The following PLAGL1 variants were observed in gnomAD, a reference collection of about 807,000 sequenced individuals.
PLAGL1 encodes the protein zinc finger protein PLAGL1.
Under a neutral mutation model 4.6 loss-of-function variants are expected in PLAGL1, and 1 was observed. The observed-to-expected ratio is 0.22, with a 90% confidence interval of 0.08 to 1.03. The LOEUF (loss-of-function observed/expected upper bound fraction) is 1.03, where lower values mean the gene tolerates loss of function less well. Ranked by LOEUF, PLAGL1 falls within the 50% of genes least tolerant of loss-of-function variation. The probability of loss-of-function intolerance (pLI) is 0.58; values close to 1 mark genes in which losing one functional copy is unlikely to be tolerated. For missense variants in PLAGL1, 464 were observed against 570.4 expected (o/e 0.81, Z 1.90); for synonymous variants, 240 against 237.8 (o/e 1.01, Z -0.08).
rs1387759960 is a variant in PLAGL1 at position 143,959,603 on chromosome 6, GCT to G, written c.-325+864_-325+865del. Among the ~76,000 whole-genome samples, 1 of 152,186 alleles carries G rather than the reference GCT, an allele frequency of 6.6e-6. No homozygotes were observed. Among genetic ancestry groups the G allele is most frequent in the South Asian group, 2.1e-4 (1 of 4,834 alleles). ...AAACTATTTCAGTTGAGCTCATAAA[GCT>G]CTCTCATGCTATTCCAATAATTTCC... is the stretch of plus-strand genomic sequence containing the variant. On this transcript the variant is annotated intron_variant, in intron 6 of 7. Coordinates refer to ENST00000674357, the MANE Select transcript of PLAGL1 (RefSeq NM_001317162.2). This position sits in a 1 kb window ranked among gnomAD's most constrained non-coding sequence, Gnocchi z 5.3.
rs1401948217 is a variant in PLAGL1 at position 143,961,415 on chromosome 6, T to A, written c.-398-873A>T. On this transcript the variant is annotated intron_variant, in intron 5 of 7. Transcript: ENST00000674357. The surrounding 1 kb of genome is among the most constrained non-coding windows in gnomAD (Gnocchi z 6.5). ...ATCTCGCCTAAGTGATTTATTCACTTGCCTATTTTCTTCTGTGAATTTGAT... is the reference window on the plus strand; with the variant it reads ...ATCTCGCCTAAGTGATTTATTCACTAGCCTATTTTCTTCTGTGAATTTGAT... 1 of 152,248 alleles carries A rather than the reference T, an allele frequency of 6.6e-6. No individual in the cohort carries two copies. Among genetic ancestry groups the A allele is most frequent in the Non-Finnish European group, 1.5e-5 (1 of 68,038 alleles). 9.4% of individuals were successfully genotyped at this position (152,248 alleles called of 1,614,324 possible).
chr6:144,046,307 C>T (rs997693841), intron 1 of PLAGL1, among the ~76,000 whole-genome samples: 1 of 152,178 alleles, frequency 6.6e-6, no homozygotes, highest in Non-Finnish European at 1.5e-5. Context: ...CTGGTTTCTC[C>T]CCATCTTTGT....
At position 144,064,196 on chromosome 6, in the gene PLAGL1, A is replaced by T. The variant is rs1799655727; in HGVS notation, c.-151+272T>A. On this transcript the variant is annotated intron_variant, in intron 1 of 3. Coordinates refer to the PLAGL1 transcript ENST00000437412. This position sits in a 1 kb window ranked among gnomAD's most constrained non-coding sequence, Gnocchi z 6.8. ...GCCCAGCGCAGAAGCGAAGAGCTGC[A>T]GACGACGGAGAAAAGGGAAGCGCGC... is the stretch of plus-strand genomic sequence containing the variant. 1.3e-5 allele frequency among the ~76,000 whole-genome samples: 2 copies of T among 152,148 alleles called. No homozygotes were observed. The highest frequency in any genetic ancestry group is 4.1e-4 in the South Asian group (2 of 4,826).
At position 143,941,384 on chromosome 6, in the gene PLAGL1, A is replaced by G; in HGVS notation, c.*40T>C. The G allele has an allele frequency of 6.9e-7, 1 of 1,452,742 alleles. No individual in the cohort carries two copies. Among genetic ancestry groups the G allele is most frequent in the Non-Finnish European group, 9.2e-7 (1 of 1,086,896 alleles). The allele number at this position is 1,452,742 out of a possible 1,614,324, so 90.0% of individuals were successfully genotyped here. On this transcript the variant is annotated 3_prime_UTR_variant, in exon 8 of 8. Transcript: ENST00000674357. This position sits in a 1 kb window ranked among gnomAD's most constrained non-coding sequence, Gnocchi z 6.0. ...AACTGACATTTAAAATGCTTCTTAA[A>G]ACATCTTCCAGAATACGAAAAATAC...
rs1793707575 is a variant in PLAGL1, at chr6:144,004,483, G to A, written c.-584+3607C>T. Among the ~76,000 whole-genome samples, 1 of 152,132 alleles carries A rather than the reference G, an allele frequency of 6.6e-6. No homozygotes were observed. Among genetic ancestry groups the A allele is most frequent in the African/African-American group, 2.4e-5 (1 of 41,430 alleles). ...CATGCAACATGGATGAATACAATGT[G>A]AACAAAAGAATAAACTGTATGACTC... On this transcript the variant is annotated intron_variant, in intron 1 of 7. Coordinates refer to ENST00000674357, the MANE Select transcript of PLAGL1 (RefSeq NM_001317162.2). This position sits in a 1 kb window ranked among gnomAD's most constrained non-coding sequence, Gnocchi z 4.2.
chr6:144,037,627 A>G (rs1043814919), intron 1 of PLAGL1: 3 of 152,150 alleles, frequency 2.0e-5, no homozygotes, highest in African/African-American at 7.2e-5. Flanking sequence ...TTTAGAAGAT[A>G]TTTTAAAGAA....
chr6:144,021,075 G>A (rs1365762130), intron 1 of PLAGL1, among the ~76,000 whole-genome samples: 1 of 151,828 alleles, frequency 6.6e-6, no homozygotes. Context: ...CTCTCTTTAT[G>A]ATTCCATAGC....
chr6:143,956,442 T>C (rs1328100750), intron 6 of PLAGL1, among the ~76,000 whole-genome samples: 1 of 152,124 alleles, frequency 6.6e-6, no homozygotes, highest in Non-Finnish European at 1.5e-5. Flanking sequence ...AGGCCTATGG[T>C]GATAAAAATG....
At position 144,013,675 on chromosome 6, in the gene PLAGL1, CGGCTTCCTT is replaced by C. The variant is rs1343018472; in HGVS notation, c.-150-44706_-150-44698del. ...GACCACTGCCATTCCCTGGCTTCCT[CGGCTTCCTT>C]GGCTTGCGGCCACAGCATGCCAATC... On this transcript the variant is annotated intron_variant, in intron 1 of 3. Coordinates refer to the PLAGL1 transcript ENST00000437412. This position sits in a 1 kb window ranked among gnomAD's most constrained non-coding sequence, Gnocchi z 4.4. Among the ~76,000 whole-genome samples the C allele has an allele frequency of 6.6e-6, 1 of 152,238 alleles. No homozygotes were observed. Among genetic ancestry groups the C allele is most frequent in the Non-Finnish European group, 1.5e-5 (1 of 68,040 alleles).
Position 143,972,828 on chromosome 6 carries a change from A to C in PLAGL1, c.-543-3850T>G, listed in dbSNP as rs1785692039. Among the ~76,000 whole-genome samples, 1 of 152,146 alleles carries C rather than the reference A, an allele frequency of 6.6e-6. No homozygotes were observed. Among genetic ancestry groups the C allele is most frequent in the Admixed American group, 6.5e-5 (1 of 15,272 alleles). ...TTGTATCATGGTTAATATTTGTTTT[A>C]CTCTACTTCTGTGTTTAAAAAAAGA... is the stretch of plus-strand genomic sequence containing the variant. On this transcript the variant is annotated intron_variant, in intron 2 of 7. Transcript: ENST00000674357. This position sits in a 1 kb window ranked among gnomAD's most constrained non-coding sequence, Gnocchi z 6.8.
intron 1 of PLAGL1, among the ~76,000 whole-genome samples, chr6:144,035,748 C>G (rs1797179499): frequency 6.6e-6 from 1 of 152,080 alleles, no homozygotes; most frequent in South Asian, 2.1e-4. Context: ...ACCTCATTTT[C>G]TTGTTTTTTC....
At position 143,997,103 on chromosome 6, in the gene PLAGL1, T is replaced by C. The variant is rs1791791976; in HGVS notation, c.-584+10987A>G. On this transcript the variant is annotated intron_variant, in intron 1 of 7. Transcript: ENST00000674357. This position sits in a 1 kb window ranked among gnomAD's most constrained non-coding sequence, Gnocchi z 4.6. ...AATGCACATGAAAACCATGAGACCA[T>C]GAAGCCATGAGATATCACCTCAAAC... is the stretch of plus-strand genomic sequence containing the variant. 6.6e-6 allele frequency among the ~76,000 whole-genome samples: 1 copy of C among 152,132 alleles called. No individual in the cohort carries two copies. The highest frequency in any genetic ancestry group is 2.4e-5 in the African/African-American group (1 of 41,422).
upstream of PLAGL1, among the ~76,000 whole-genome samples, chr6:144,010,022 G>C (rs952337053): frequency 6.6e-6 from 1 of 152,048 alleles, no homozygotes; most frequent in Non-Finnish European, 1.5e-5. The surrounding 1 kb of genome is among the most constrained non-coding windows in gnomAD (Gnocchi z 4.1). Context: ...ATAATTCTTT[G>C]GGTATATACC....
At chr6:144,002,020 C>A (rs1793011715) in intron 1 of PLAGL1, among the ~76,000 whole-genome samples, 1 of 151,994 alleles carries the variant, frequency 6.6e-6, no homozygotes, top group African/African-American at 2.4e-5. Flanking sequence ...AGAGGGAAAA[C>A]TGTGGTAATC....
At chr6:144,013,274 C>G (rs1795314750), upstream of PLAGL1, among the ~76,000 whole-genome samples, 1 of 152,086 alleles carries the variant, frequency 6.6e-6, no homozygotes. This position sits in a 1 kb window ranked among gnomAD's most constrained non-coding sequence, Gnocchi z 4.4. Context: ...ACAGGTGTTA[C>G]CAGGGGTAAC....
Position 143,995,579 on chromosome 6 carries a change from G to A in PLAGL1, c.-583-10405C>T, listed in dbSNP as rs189353910. Among the ~76,000 whole-genome samples, 598 of 152,084 alleles carry A rather than the reference G, an allele frequency of 3.9e-3. 5 individuals are homozygous for A. Among genetic ancestry groups the A allele is most frequent in the African/African-American group, 0.014 (578 of 41,514 alleles). Reference sequence around the variant, plus strand: ...ATATTTGTTGAATAAATTTATGAATGTTTTCTAAGTTAAATAGCTTTAAAA... The same window carrying A: ...ATATTTGTTGAATAAATTTATGAATATTTTCTAAGTTAAATAGCTTTAAAA... On this transcript the variant is annotated intron_variant, in intron 1 of 7. Coordinates refer to ENST00000674357, the MANE Select transcript of PLAGL1 (RefSeq NM_001317162.2). The surrounding 1 kb of genome is among the most constrained non-coding windows in gnomAD (Gnocchi z 4.4).
chr6:144,052,912 C>T (rs1013688697), intron 1 of PLAGL1, among the ~76,000 whole-genome samples: 2 of 152,126 alleles, frequency 1.3e-5, no homozygotes, highest in Non-Finnish European at 2.9e-5. Context: ...TTGAACTACT[C>T]CTTGTTTCAA....
chr6:144,003,452 G>A (rs544571211), intron 1 of PLAGL1, among the ~76,000 whole-genome samples: 8 of 151,986 alleles, frequency 5.3e-5, no homozygotes, highest in East Asian at 3.9e-4. Flanking sequence ...GTGAAACCCC[G>A]TCTGTACTAA....
At position 143,941,881 on chromosome 6, in the gene PLAGL1, G is replaced by C. The variant is rs771206023; in HGVS notation, c.935C>G (p.Pro312Arg). The C allele has an allele frequency of 6.2e-7, 1 of 1,613,914 alleles. No individual in the cohort carries two copies. The highest frequency in any genetic ancestry group is 8.5e-7 in the Non-Finnish European group (1 of 1,179,982). Reference sequence around the variant, plus strand: ...TGCTTTGAGGGGCAGGCTTGCAAGTGGGGAGTATGAGGTAGAAGTGGTGTT... The same window carrying C: ...TGCTTTGAGGGGCAGGCTTGCAAGTCGGGAGTATGAGGTAGAAGTGGTGTT... ...KYNTTSTSYSPLASLPLKADT... is the reference protein window; with the variant it reads ...KYNTTSTSYSRLASLPLKADT... The change falls in exon 8 of 8, where the codon CCA (proline) becomes CGA (arginine). Residue 312 changes from proline (P) to arginine (R), a missense_variant. By Grantham distance (103) the Pro-to-Arg change is moderately radical. Coordinates refer to ENST00000674357, the MANE Select transcript of PLAGL1 (RefSeq NM_001317162.2). The surrounding 1 kb of genome is among the most constrained non-coding windows in gnomAD (Gnocchi z 6.0).
Sources: allele counts gnomAD v4.1 joint callset (sites outside exome capture counted in the v4.1 genomes callset), GRCh38; gene constraint gnomAD v4.1.1; non-coding constraint Gnocchi (gnomAD v3.1); transcripts MANE v1.5; gene names NCBI Gene and HGNC (gene_info 2026-07-23, HGNC 2026-07-21).